MPPED2: variants seen among roughly 807,000 people sequenced by gnomAD.
The protein encoded by MPPED2 is metallophosphoesterase domain containing 2, also known as metallophosphoesterase MPPED2.
A neutral mutation model predicts 33.0 loss-of-function variants in MPPED2; 5 were observed. That is an observed-to-expected ratio of 0.15 (90% CI 0.08 to 0.32). The LOEUF is 0.32. Ranked by LOEUF, MPPED2 falls within the 10% of genes least tolerant of loss-of-function variation. The pLI is 1.00. For synonymous variants in MPPED2, 136 were observed against 141.9 expected, an observed-to-expected ratio of 0.96 and a Z score of 0.29; for missense variants, 275 against 372.1, an observed-to-expected ratio of 0.74 and a Z score of 2.15.
chr11:30,564,986 A>G (rs966503210), intron 2 of MPPED2, among the ~76,000 whole-genome samples: 2 of 152,154 alleles, frequency 1.3e-5, no homozygotes, highest in Admixed American at 6.6e-5. Context: ...TGTAAGAGTG[A>G]GTTATATATG....
Position 30,524,603 on chromosome 11 carries a change from G to T in MPPED2, c.310+11391C>A, listed in dbSNP as rs192222861. On this transcript the variant is annotated intron_variant, in intron 3 of 6. Coordinates refer to ENST00000358117, the MANE Select transcript of MPPED2 (RefSeq NM_001584.3). ...CAGGTAGAGGGTCAGGCTATAGTGGGTGATCAACAAGTGTTAGATATTATT... is the reference window on the plus strand; with the variant it reads ...CAGGTAGAGGGTCAGGCTATAGTGGTTGATCAACAAGTGTTAGATATTATT... Among the ~76,000 whole-genome samples the T allele has an allele frequency of 2.0e-5, 3 of 152,296 alleles. No individual in the cohort carries two copies. In the East Asian group the frequency reaches 5.8e-4, roughly 29 times the overall value.
At chr11:30,529,320 G>A (rs185205486) in intron 3 of MPPED2, among the ~76,000 whole-genome samples, 242 of 152,248 alleles carry the variant, frequency 1.6e-3, no homozygotes, top group Non-Finnish European at 2.3e-3. Flanking sequence ...AATTATGGAG[G>A]AATGTATATT....
chr11:30,393,933 G>A (rs1393834654), intron 6 of MPPED2, among the ~76,000 whole-genome samples: 2 of 152,156 alleles, frequency 1.3e-5, no homozygotes, highest in African/African-American at 2.4e-5. Context: ...CCCCTGTGCT[G>A]CTCTTTTGTA....
At chr11:30,582,688 A>G (rs1957223046) in intron 1 of MPPED2, among the ~76,000 whole-genome samples, 1 of 152,242 alleles carries the variant, frequency 6.6e-6, no homozygotes, top group African/African-American at 2.4e-5. Flanking sequence ...GAAGCTAAGA[A>G]GAGACAGAAT....
chr11:30,471,821 AG>A (rs1950958214), intron 4 of MPPED2, among the ~76,000 whole-genome samples: 1 of 152,216 alleles, frequency 6.6e-6, no homozygotes, highest in South Asian at 2.1e-4. Flanking sequence ...CCATTGATGC[AG>A]GGGTGCACAT....
At chr11:30,494,757 A>AAAAAAAAAAAAAAG (rs768924251) in intron 4 of MPPED2, among the ~76,000 whole-genome samples, 38 of 120,838 alleles carry the variant, frequency 3.1e-4, no homozygotes, top group African/African-American at 9.1e-4. Flanking sequence ...AAAAAAAAAA[A>AAAAAAAAAAAAAAG]AAAGAAAGAA....
chr11:30,471,197 T>C (rs1180556078), intron 4 of MPPED2, among the ~76,000 whole-genome samples: 1 of 152,212 alleles, frequency 6.6e-6, no homozygotes, highest in Non-Finnish European at 1.5e-5. Context: ...CACGTGATGA[T>C]GCTTCAAAGT....
At chr11:30,402,680 C>G (rs1315708866) in intron 6 of MPPED2, among the ~76,000 whole-genome samples, 1 of 152,278 alleles carries the variant, frequency 6.6e-6, no homozygotes, top group African/African-American at 2.4e-5. Flanking sequence ...TTCTCCCACC[C>G]CCATCTTAGC....
chr11:30,550,268 G>A (rs1955636972), intron 2 of MPPED2, among the ~76,000 whole-genome samples: 1 of 146,250 alleles, frequency 6.8e-6, no homozygotes, highest in Admixed American at 6.6e-5. Flanking sequence ...TGGTTCCAAA[G>A]AAATCATTGT....
chr11:30,486,708 C>T (rs1350523933), intron 4 of MPPED2, among the ~76,000 whole-genome samples: 1 of 152,212 alleles, frequency 6.6e-6, no homozygotes. Context: ...ACTCCCATTT[C>T]TCACTTTTAT....
chr11:30,576,493 T>C (rs1373723113), intron 2 of MPPED2, among the ~76,000 whole-genome samples: 5 of 152,208 alleles, frequency 3.3e-5, no homozygotes, highest in African/African-American at 4.8e-5. Flanking sequence ...TATTGTCCTA[T>C]GGCATTCCAA....
chr11:30,415,536 C>G (rs1002886021), intron 5 of MPPED2, among the ~76,000 whole-genome samples: 5 of 152,208 alleles, frequency 3.3e-5, no homozygotes, highest in African/African-American at 1.2e-4. Context: ...TCTCTCCACT[C>G]CCCTCTCCAA....
At chr11:30,436,971 C>T (rs1410619490) in intron 4 of MPPED2, among the ~76,000 whole-genome samples, 2 of 152,168 alleles carry the variant, frequency 1.3e-5, no homozygotes, top group Non-Finnish European at 2.9e-5. Flanking sequence ...TTGGTGAATG[C>T]CGTGATGGCT....
At chr11:30,480,751 T>G (rs1014868432) in intron 4 of MPPED2, among the ~76,000 whole-genome samples, 2 of 152,162 alleles carry the variant, frequency 1.3e-5, no homozygotes, top group Non-Finnish European at 2.9e-5. Context: ...TCCTAGAGTG[T>G]CGCTATCACT....
intron 2 of MPPED2, among the ~76,000 whole-genome samples, chr11:30,549,633 G>A (rs1955603565): frequency 6.6e-6 from 1 of 152,066 alleles, no homozygotes; most frequent in Non-Finnish European, 1.5e-5. Context: ...TTTTGGGCAG[G>A]AAGATTACTT....
chr11:30,523,151 G>C (rs1565151135), intron 3 of MPPED2, among the ~76,000 whole-genome samples: 1 of 152,088 alleles, frequency 6.6e-6, no homozygotes, highest in East Asian at 1.9e-4. Flanking sequence ...TCAAAGGTGG[G>C]GGCGGGTGGC....
chr11:30,543,121 A>G (rs1042079405), intron 2 of MPPED2, among the ~76,000 whole-genome samples: 7 of 152,332 alleles, frequency 4.6e-5, no homozygotes, highest in Admixed American at 3.3e-4. Context: ...AGTCTCCTAA[A>G]TGAAAAAAAT....
upstream of MPPED2, chr11:30,586,984 C>T (rs1460676208): frequency 1.3e-5 from 2 of 152,292 alleles, no homozygotes; most frequent in African/African-American, 4.8e-5. This position sits in a 1 kb window ranked among gnomAD's most constrained non-coding sequence, Gnocchi z 4.8. Flanking sequence ...ACCTCTTTCT[C>T]TCTGCAATGT....
At position 30,503,944 on chromosome 11, in the gene MPPED2, G is replaced by GA. The variant is rs200470393; in HGVS notation, c.311-8424dup. ...CTCACTTTCCCTTGGTAATGTGCTA[G>GA]AAAAAAAAGCTAACTTGTTGGGATT... On this transcript the variant is annotated intron_variant, in intron 3 of 6. Coordinates refer to ENST00000358117, the MANE Select transcript of MPPED2 (RefSeq NM_001584.3). Among the ~76,000 whole-genome samples the GA allele has an allele frequency of 1.8e-3, 280 of 151,842 alleles. 1 individual carries two copies. Among genetic ancestry groups the GA allele is most frequent in the African/African-American group, 6.4e-3 (264 of 41,440 alleles).
Sources: allele counts gnomAD v4.1 joint callset (sites outside exome capture counted in the v4.1 genomes callset), GRCh38; gene constraint gnomAD v4.1.1; non-coding constraint Gnocchi (gnomAD v3.1); transcripts MANE v1.5; gene names NCBI Gene and HGNC (gene_info 2026-07-23, HGNC 2026-07-21).